FAM193A: variants seen among roughly 807,000 people sequenced by gnomAD.
The protein encoded by FAM193A is family with sequence similarity 193 member A.
In FAM193A, 22 loss-of-function variants were observed where a neutral mutation model predicts 126.5. The ratio of observed to expected loss-of-function variants is 0.17; its 90% CI spans 0.12 to 0.25. FAM193A has a LOEUF of 0.25. FAM193A is among the 10% of genes least tolerant of loss of function. The pLI, the probability that FAM193A is intolerant of heterozygous loss-of-function variation, is 1.00. For missense variants in FAM193A, 1,675 were observed against 1,672.8 expected, an observed-to-expected ratio of 1.00 and a Z score of -0.02; for synonymous variants, 761 against 646.8, an observed-to-expected ratio of 1.18 and a Z score of -2.68.
intron 13 of FAM193A, among the ~76,000 whole-genome samples, chr4:2,678,226 T>A (rs1714659509): frequency 6.6e-6 from 1 of 152,150 alleles, no homozygotes; most frequent in Non-Finnish European, 1.5e-5. Context: ...ACTCATGATC[T>A]GCCTGCCTTG....
chr4:2,645,131 G>A (rs1745006675), intron 6 of FAM193A, among the ~76,000 whole-genome samples: 1 of 152,068 alleles, frequency 6.6e-6, no homozygotes. Context: ...TCCTAGATGT[G>A]CCATGATGCA....
intron 18 of FAM193A, 122 bp from the exon 19 acceptor site, chr4:2,699,558 A>T: frequency 1.1e-6 from 1 of 919,066 alleles, no homozygotes; most frequent in Non-Finnish European, 1.6e-6. Flanking sequence ...TTGATTTATT[A>T]CAGCCTCTTC....
chr4:2,682,857 GATGATTA>G (rs1381498221), intron 13 of FAM193A, among the ~76,000 whole-genome samples: 1 of 152,172 alleles, frequency 6.6e-6, no homozygotes. Flanking sequence ...GTACAGTGAT[GATGATTA>G]CTTTCAACAG....
intron 4 of FAM193A, among the ~76,000 whole-genome samples, chr4:2,627,387 A>G (rs1560494635): frequency 3.8e-5 from 5 of 130,458 alleles, no homozygotes; most frequent in South Asian, 5.6e-4. Flanking sequence ...TCTCTAACAT[A>G]ATCCACCTGC....
intron 2 of FAM193A, among the ~76,000 whole-genome samples, chr4:2,597,655 A>T (rs1472294067): frequency 1.3e-5 from 2 of 152,204 alleles, no homozygotes; most frequent in Non-Finnish European, 2.9e-5. Flanking sequence ...CCTTGGGAAC[A>T]GCAGAGGTGT....
intron 2 of FAM193A, among the ~76,000 whole-genome samples, chr4:2,620,686 T>C (rs184564386): frequency 6.7e-6 from 1 of 148,824 alleles, no homozygotes; most frequent in East Asian, 2.0e-4. Flanking sequence ...CCGTCTCTAC[T>C]AAAAATACAA....
At position 2,732,213 on chromosome 4, in the gene FAM193A, C is replaced by G; in HGVS notation, c.*345C>G. The G allele has an allele frequency of 3.0e-6, 1 of 330,696 alleles. No homozygotes were observed. The highest frequency in any genetic ancestry group is 2.9e-5 in the South Asian group (1 of 34,774). 20.5% of individuals were successfully genotyped at this position (330,696 alleles called of 1,614,324 possible). A position where few individuals can be genotyped will look rare whatever the true frequency, so the allele number is the denominator to read the frequency against. Reference sequence around the variant, plus strand: ...CCGTTGCCTCTGCATTGCGCCCTGTCCTGTCATGTGTCCTCACCGGGGTAT... The same window carrying G: ...CCGTTGCCTCTGCATTGCGCCCTGTGCTGTCATGTGTCCTCACCGGGGTAT... On this transcript the variant is annotated 3_prime_UTR_variant, in exon 21 of 21. Coordinates refer to ENST00000637812, the MANE Select transcript of FAM193A (RefSeq NM_001366318.2).
chr4:2,718,229 G>A (rs1719752468), intron 20 of FAM193A, among the ~76,000 whole-genome samples: 1 of 151,902 alleles, frequency 6.6e-6, no homozygotes. Flanking sequence ...GATCAACAAA[G>A]CTAAAATATG....
chr4:2,630,589 G>A (rs943514194), intron 4 of FAM193A, among the ~76,000 whole-genome samples: 3 of 152,236 alleles, frequency 2.0e-5, no homozygotes. Context: ...TTCCAGCTGT[G>A]TGAGTTTACG....
At chr4:2,590,526 AT>A (rs150229151) in intron 1 of FAM193A, among the ~76,000 whole-genome samples, 2 of 138,546 alleles carry the variant, frequency 1.4e-5, no homozygotes, top group African/African-American at 6.8e-5. Flanking sequence ...ACAAAACAAA[AT>A]TAAAAAACAG....
intron 4 of FAM193A, among the ~76,000 whole-genome samples, chr4:2,628,174 G>T (rs898622958): frequency 6.7e-6 from 1 of 149,290 alleles, no homozygotes; most frequent in Non-Finnish European, 1.5e-5. Flanking sequence ...GTGAGCCACC[G>T]CGCCCCGCCG....
rs1310212109 is a variant in FAM193A at position 2,554,592 on chromosome 4, T to G, written c.255+17422T>G. 2.0e-5 allele frequency among the ~76,000 whole-genome samples: 3 copies of G among 152,310 alleles called. No individual in the cohort carries two copies. The East Asian group carries it at 5.8e-4, about 29-fold the overall frequency. Reference sequence around the variant, plus strand: ...TAGATCCAGTTGGCTGATAGTTTTTTTTTGGTTGATGGTTTTGTTCGCTTC... The same window carrying G: ...TAGATCCAGTTGGCTGATAGTTTTTGTTTGGTTGATGGTTTTGTTCGCTTC... On this transcript the variant is annotated intron_variant, in intron 1 of 20. Transcript: ENST00000637812.
chr4:2,685,271 G>A (rs1715605744), intron 13 of FAM193A, among the ~76,000 whole-genome samples: 1 of 152,150 alleles, frequency 6.6e-6, no homozygotes, highest in South Asian at 2.1e-4. Flanking sequence ...AGCTTCGAGG[G>A]CCAGGGTGTA....
At chr4:2,565,598 C>T (rs1215761058) in intron 1 of FAM193A, among the ~76,000 whole-genome samples, 2 of 152,052 alleles carry the variant, frequency 1.3e-5, no homozygotes, top group East Asian at 1.9e-4. Context: ...TCATGTAGTC[C>T]GTCAGGTAAG....
rs1186958819 is a variant in FAM193A at position 2,572,742 on chromosome 4, T to C, written c.256-23342T>C. Among the ~76,000 whole-genome samples, 5 of 150,548 alleles carry C rather than the reference T, an allele frequency of 3.3e-5. No individual in the cohort carries two copies. In the East Asian group the frequency reaches 7.8e-4, roughly 23 times the overall value. On this transcript the variant is annotated intron_variant, in intron 1 of 20. Coordinates refer to ENST00000637812, the MANE Select transcript of FAM193A (RefSeq NM_001366318.2). ...ATTTTGGTCTTTAGATTAAGTGCAG[T>C]TGGGAACAGTTGAAGGGCTTTGAGC...
intron 7 of FAM193A, among the ~76,000 whole-genome samples, chr4:2,647,873 G>C (rs1745306811): frequency 6.6e-6 from 1 of 152,188 alleles, no homozygotes; most frequent in African/African-American, 2.4e-5. Context: ...GACATGTGCT[G>C]GTTCCATGTC....
intron 13 of FAM193A, among the ~76,000 whole-genome samples, chr4:2,684,426 T>C (rs1560565207): frequency 7.2e-6 from 1 of 139,756 alleles, no homozygotes. Flanking sequence ...TTGTTCCTTG[T>C]TTTTTTTTTC....
chr4:2,657,943 T>TTC (rs1282870848), intron 8 of FAM193A, 63 bp downstream of exon 8: 2 of 1,121,586 alleles, frequency 1.8e-6, no homozygotes, highest in African/African-American at 3.1e-5. Flanking sequence ...AGCAAATGAC[T>TTC]TCTCTGCATG....
intron 12 of FAM193A, among the ~76,000 whole-genome samples, chr4:2,668,830 CTTTTCTTTTCCT>C (rs527253828): frequency 5.0e-4 from 71 of 141,752 alleles, no homozygotes; most frequent in Non-Finnish European, 7.7e-4. Context: ...TTTCCTTTTC[CTTTTCTTTTCCT>C]TTTTCTTTTC....
Sources: allele counts gnomAD v4.1 joint callset (sites outside exome capture counted in the v4.1 genomes callset), GRCh38; gene constraint gnomAD v4.1.1; transcripts MANE v1.5; gene names NCBI Gene and HGNC (gene_info 2026-07-23, HGNC 2026-07-21).